BMPR1A: variants seen among roughly 807,000 people sequenced by gnomAD.
BMPR1A encodes bone morphogenetic protein receptor type-1A.
BMPR1A carries 7 observed loss-of-function variants against 66.0 expected under a neutral mutation model. That is an observed-to-expected ratio of 0.11 (90% CI 0.06 to 0.20). The LOEUF is 0.20. Ranked by LOEUF, BMPR1A falls within the 10% of genes least tolerant of loss-of-function variation. BMPR1A has a pLI of 1.00. For synonymous variants in BMPR1A, 200 were observed against 229.7 expected (o/e 0.87, Z 1.17); for missense variants, 408 against 669.1 (o/e 0.61, Z 4.31).
chr10:86,920,907 G>A (rs939780673), intron 10 of BMPR1A, among the ~76,000 whole-genome samples: 2 of 143,658 alleles, frequency 1.4e-5, no homozygotes, highest in Non-Finnish European at 3.0e-5. Flanking sequence ...CCAGGCTGGA[G>A]TGCAGTGGCA....
intron 2 of BMPR1A, among the ~76,000 whole-genome samples, chr10:86,866,415 T>TTTTTTTTTTTC (rs1564707642): frequency 7.6e-6 from 1 of 132,262 alleles, no homozygotes; most frequent in African/African-American, 3.0e-5. Flanking sequence ...TTTTTTTTTT[T>TTTTTTTTTTTC]TTTTTTTTTT....
chr10:86,800,582 G>T (rs1307400910), intron 1 of BMPR1A, among the ~76,000 whole-genome samples: 1 of 152,110 alleles, frequency 6.6e-6, no homozygotes, highest in Non-Finnish European at 1.5e-5. Flanking sequence ...TAGTAGAGAC[G>T]GGATTTCACC....
intron 5 of BMPR1A, among the ~76,000 whole-genome samples, chr10:86,897,983 A>G (rs971961426): frequency 2.0e-5 from 3 of 152,250 alleles, no homozygotes; most frequent in African/African-American, 4.8e-5. Flanking sequence ...AAAGTGAACA[A>G]CTGGCAAAGC....
intron 1 of BMPR1A, among the ~76,000 whole-genome samples, chr10:86,813,695 G>T (rs1841999464): frequency 6.6e-6 from 1 of 152,092 alleles, no homozygotes; most frequent in Non-Finnish European, 1.5e-5. Context: ...ACCAGGGCAT[G>T]TTGCCATTAG....
chr10:86,830,169 G>A (rs1842247915), intron 1 of BMPR1A, among the ~76,000 whole-genome samples: 4 of 152,268 alleles, frequency 2.6e-5, no homozygotes, highest in South Asian at 4.1e-4. Flanking sequence ...TAAACTGACC[G>A]TAACAGGATT....
chr10:86,841,951 T>C (rs183271137), intron 2 of BMPR1A, among the ~76,000 whole-genome samples: 60 of 152,328 alleles, frequency 3.9e-4, no homozygotes, highest in African/African-American at 1.2e-3. Context: ...TGTACATCTC[T>C]TTATCTGTCC....
intron 1 of BMPR1A, among the ~76,000 whole-genome samples, chr10:86,790,023 G>A (rs182680378): frequency 1.1e-3 from 166 of 149,910 alleles, no homozygotes; most frequent in African/African-American, 4.0e-3. Context: ...GGGCGTGGTG[G>A]CAGGTTCCTG....
intron 2 of BMPR1A, among the ~76,000 whole-genome samples, chr10:86,848,959 T>C (rs1468198114): frequency 6.6e-6 from 1 of 152,224 alleles, no homozygotes; most frequent in Non-Finnish European, 1.5e-5. Flanking sequence ...TGGTTACTTC[T>C]TGTGTGAACT....
At chr10:86,878,791 G>C (rs544694065) in intron 3 of BMPR1A, among the ~76,000 whole-genome samples, 1 of 152,294 alleles carries the variant, frequency 6.6e-6, no homozygotes, top group Non-Finnish European at 1.5e-5. Context: ...AGAGAAACAG[G>C]ATTGTCACAA....
At chr10:86,809,956 T>C (rs1055967545) in intron 1 of BMPR1A, among the ~76,000 whole-genome samples, 2 of 146,718 alleles carry the variant, frequency 1.4e-5, no homozygotes, top group Non-Finnish European at 3.0e-5. Flanking sequence ...TCATTTCTTT[T>C]AGTTGCTGAA....
At chr10:86,915,781 C>T (rs1432521873) in intron 8 of BMPR1A, among the ~76,000 whole-genome samples, 3 of 152,152 alleles carry the variant, frequency 2.0e-5, no homozygotes, top group African/African-American at 7.2e-5. Context: ...TACATAAAGT[C>T]ACTTTAGCTT....
chr10:86,865,398 C>T (rs1336994961), intron 2 of BMPR1A, among the ~76,000 whole-genome samples: 2 of 152,148 alleles, frequency 1.3e-5, no homozygotes, highest in Admixed American at 6.5e-5. Context: ...GAGCACCTTG[C>T]GACCCCCACT....
At chr10:86,886,489 C>T (rs1843068212) in intron 3 of BMPR1A, among the ~76,000 whole-genome samples, 1 of 152,084 alleles carries the variant, frequency 6.6e-6, no homozygotes, top group Non-Finnish European at 1.5e-5. Context: ...AATTGACATA[C>T]ATTTTGGAGG....
intron 1 of BMPR1A, among the ~76,000 whole-genome samples, chr10:86,831,569 A>G (rs984058938): frequency 2.0e-5 from 3 of 152,198 alleles, no homozygotes; most frequent in African/African-American, 7.2e-5. Context: ...CTGCCTGGGC[A>G]ACATAGAGAG....
At chr10:86,785,265 G>C (rs765858538) in intron 1 of BMPR1A, among the ~76,000 whole-genome samples, 2 of 152,144 alleles carry the variant, frequency 1.3e-5, no homozygotes, top group Non-Finnish European at 2.9e-5. Context: ...ATGTGTACTT[G>C]AGAAAATGTG....
chr10:86,844,221 G>A (rs1206682490), intron 2 of BMPR1A, among the ~76,000 whole-genome samples: 1 of 152,096 alleles, frequency 6.6e-6, no homozygotes, highest in East Asian at 1.9e-4. Flanking sequence ...TATGAAAAAA[G>A]CAAAGTATGA....
chr10:86,811,034 G>T (rs1841962812), intron 1 of BMPR1A, among the ~76,000 whole-genome samples: 1 of 152,064 alleles, frequency 6.6e-6, no homozygotes, highest in Non-Finnish European at 1.5e-5. Flanking sequence ...CCCGTTTTTG[G>T]TTTTTTTGTT....
chr10:86,840,090 AG>A (rs1388199354), intron 2 of BMPR1A, among the ~76,000 whole-genome samples: 10 of 152,246 alleles, frequency 6.6e-5, no homozygotes, highest in African/African-American at 2.4e-4. Flanking sequence ...CAGGAAAATC[AG>A]GCTTACTGTT....
chr10:86,807,444 G>T (rs899938246), intron 1 of BMPR1A, among the ~76,000 whole-genome samples: 1 of 149,704 alleles, frequency 6.7e-6, no homozygotes, highest in Non-Finnish European at 1.5e-5. Context: ...GCAGTGACAT[G>T]ATCATAGCTC....
Sources: allele counts gnomAD v4.1 joint callset (sites outside exome capture counted in the v4.1 genomes callset), GRCh38; gene constraint gnomAD v4.1.1; transcripts MANE v1.5; gene names NCBI Gene and HGNC (gene_info 2026-07-23, HGNC 2026-07-21).